NEURL1B: variants seen among roughly 807,000 people sequenced by gnomAD.
The protein encoded by NEURL1B is E3 ubiquitin-protein ligase NEURL1B.
In NEURL1B, 13 loss-of-function variants were observed where a neutral mutation model predicts 37.4. That is an observed-to-expected ratio of 0.35 (90% CI 0.23 to 0.55). The LOEUF is 0.55. Ranked by LOEUF, NEURL1B falls within the 20% of genes least tolerant of loss-of-function variation. The pLI is 0.89. For synonymous variants in NEURL1B, 432 were observed against 426.6 expected, an observed-to-expected ratio of 1.01 and a Z score of -0.16; for missense variants, 790 against 879.2, an observed-to-expected ratio of 0.90 and a Z score of 1.28.
Position 172,665,355 on chromosome 5 carries a change from G to A in NEURL1B, c.32-4430G>A, listed in dbSNP as rs1443462459. On this transcript the variant is annotated intron_variant, in intron 1 of 4. Transcript: ENST00000369800. The surrounding 1 kb of genome is among the most constrained non-coding windows in gnomAD (Gnocchi z 4.1). Reference sequence around the variant, plus strand: ...CTATCTCTGCCGATGGTCTGCACCCGGGTGCTGTTTCCCCTGCTCACTTGG... The same window carrying A: ...CTATCTCTGCCGATGGTCTGCACCCAGGTGCTGTTTCCCCTGCTCACTTGG... 1.3e-5 allele frequency among the ~76,000 whole-genome samples: 2 copies of A among 152,154 alleles called. No individual in the cohort carries two copies. Among genetic ancestry groups the A allele is most frequent in the African/African-American group, 4.8e-5 (2 of 41,434 alleles).
At chr5:172,673,287 C>T (rs1039728695) in intron 2 of NEURL1B, among the ~76,000 whole-genome samples, 1 of 152,106 alleles carries the variant, frequency 6.6e-6, no homozygotes, top group Non-Finnish European at 1.5e-5. Flanking sequence ...GAGAATTTGG[C>T]TTCCTGAACG....
chr5:172,684,286 G>A (rs1182771602), intron 3 of NEURL1B, 148 bp downstream of exon 3: 1 of 668,386 alleles, frequency 1.5e-6, no homozygotes, highest in Non-Finnish European at 2.1e-6. Context: ...TAAGCGCCCG[G>A]GCACGATCCA....
In NEURL1B at chr5:172,688,706, T is replaced by C. The variant is rs369312423; in HGVS notation, c.*1781T>C. The C allele has an allele frequency of 2.0e-5, 3 of 152,346 alleles. No individual in the cohort carries two copies. The East Asian group carries it at 5.8e-4, about 29-fold the overall frequency. 9.4% of individuals were successfully genotyped at this position (152,346 alleles called of 1,614,324 possible). On this transcript the variant is annotated 3_prime_UTR_variant, in exon 5 of 5. Transcript: ENST00000369800. The surrounding 1 kb of genome is among the most constrained non-coding windows in gnomAD (Gnocchi z 4.3). ...CTTTTCCCTAGAAAATCTGGGGAAATTCCCACATTTTAATTTTGCAGCAGA... is the reference window on the plus strand; with the variant it reads ...CTTTTCCCTAGAAAATCTGGGGAAACTCCCACATTTTAATTTTGCAGCAGA...
chr5:172,658,102 A>T (rs534396369), intron 1 of NEURL1B, among the ~76,000 whole-genome samples: 1 of 152,042 alleles, frequency 6.6e-6, no homozygotes, highest in East Asian at 1.9e-4. Context: ...CTTGTCTTGT[A>T]TGCAATAAAT....
intron 2 of NEURL1B, among the ~76,000 whole-genome samples, chr5:172,679,973 T>C (rs1223031511): frequency 1.3e-5 from 2 of 152,190 alleles, no homozygotes; most frequent in Non-Finnish European, 2.9e-5. Flanking sequence ...TTGGTGGCAC[T>C]TGGCCCAGTT....
intron 3 of NEURL1B, among the ~76,000 whole-genome samples, chr5:172,684,588 G>A (rs1445686754): frequency 6.6e-6 from 1 of 151,310 alleles, no homozygotes; most frequent in Non-Finnish European, 1.5e-5. Flanking sequence ...AAATAAATTC[G>A]ACTGCACATG....
rs1561653510 is a variant in NEURL1B at position 172,684,002 on chromosome 5, G to C, written c.1161G>C (p.Thr387=). ...GCGGCGGCGACGCGCTCAGCTTCAC[G>C]CTGCGGCCCGGCGGCGACGTGCTCC... ...VPSGGDALSF[T]LRPGGDVLLG... The change falls in exon 3 of 5, where the codon ACG becomes ACC. Residue 387 remains threonine (T), a synonymous_variant. Coordinates refer to ENST00000369800, the MANE Select transcript of NEURL1B (RefSeq NM_001142651.3). 2.4e-5 allele frequency: 32 copies of C among 1,330,382 alleles called. No homozygotes were observed. The highest frequency in any genetic ancestry group is 2.9e-5 in the Non-Finnish European group (30 of 1,038,192). The allele number at this position is 1,330,382 out of a possible 1,614,324, so 82.4% of individuals were successfully genotyped here. A position where few individuals can be genotyped will look rare whatever the true frequency, so the allele number is the denominator to read the frequency against.
chr5:172,656,882 G>A (rs540957238), intron 1 of NEURL1B, among the ~76,000 whole-genome samples: 3 of 152,322 alleles, frequency 2.0e-5, no homozygotes, highest in East Asian at 1.9e-4. Context: ...ATGGGGCTGC[G>A]ATGATGAATA....
rs948375685 is a variant in NEURL1B at position 172,647,096 on chromosome 5, G to A, written c.31+5659G>A. On this transcript the variant is annotated intron_variant, in intron 1 of 4. Coordinates refer to ENST00000369800, the MANE Select transcript of NEURL1B (RefSeq NM_001142651.3). The surrounding 1 kb of genome is among the most constrained non-coding windows in gnomAD (Gnocchi z 4.2). ...TTCCCTGGGCTGGACCTCAAGGGCCGCTCAGAACAGGCTGTTTAATCTCCC... is the reference window on the plus strand; with the variant it reads ...TTCCCTGGGCTGGACCTCAAGGGCCACTCAGAACAGGCTGTTTAATCTCCC... Among the ~76,000 whole-genome samples the A allele has an allele frequency of 1.3e-5, 2 of 152,176 alleles. No individual in the cohort carries two copies. Among genetic ancestry groups the A allele is most frequent in the African/African-American group, 2.4e-5 (1 of 41,432 alleles).
intron 2 of NEURL1B, among the ~76,000 whole-genome samples, chr5:172,674,977 C>T (rs1425910304): frequency 1.3e-5 from 2 of 152,150 alleles, no homozygotes; most frequent in African/African-American, 2.4e-5. Context: ...TTAAGCTATT[C>T]TTCTGCCTCA....
rs1427377384 is a variant in NEURL1B at position 172,690,036 on chromosome 5, G to A, written c.*3111G>A. On this transcript the variant is annotated 3_prime_UTR_variant, in exon 5 of 5. Coordinates refer to ENST00000369800, the MANE Select transcript of NEURL1B (RefSeq NM_001142651.3). ...CACCACCCCCTCAAGCGGGGCCCCAGCCCCCTGAGCACCCCCTCACGTGAC... is the reference window on the plus strand; with the variant it reads ...CACCACCCCCTCAAGCGGGGCCCCAACCCCCTGAGCACCCCCTCACGTGAC... 6.6e-6 allele frequency: 1 copy of A among 152,338 alleles called. No individual in the cohort carries two copies. Among genetic ancestry groups the A allele is most frequent in the Admixed American group, 6.5e-5 (1 of 15,290 alleles). 9.4% of individuals were successfully genotyped at this position (152,338 alleles called of 1,614,324 possible). A position where few individuals can be genotyped will look rare whatever the true frequency, so the allele number is the denominator to read the frequency against.
intron 2 of NEURL1B, among the ~76,000 whole-genome samples, chr5:172,678,743 G>A (rs182787497): frequency 1.6e-4 from 24 of 152,342 alleles, no homozygotes; most frequent in Admixed American, 9.1e-4. Flanking sequence ...CTGTCAGTGA[G>A]TCCTGTCATT....
chr5:172,672,572 ACT>A lies in NEURL1B; in HGVS notation c.577+2245_577+2246del, dbSNP rs1213743761. On this transcript the variant is annotated intron_variant, in intron 2 of 4. Coordinates refer to ENST00000369800, the MANE Select transcript of NEURL1B (RefSeq NM_001142651.3). The stretch of plus-strand genomic sequence containing the variant: ...CCCACTCTATTTCCTTATTCAGCAA[ACT>A]CTTATTGAACTCCTTACAACATTCT... 2.1e-5 allele frequency among the ~76,000 whole-genome samples: 3 copies of A among 139,590 alleles called. 1 individual carries two copies. In the Admixed American group the frequency reaches 2.2e-4, roughly 10 times the overall value. The allele number at this position is 139,590 out of a possible 152,430, so 91.6% of individuals were successfully genotyped here. A position where few individuals can be genotyped will look rare whatever the true frequency, so the allele number is the denominator to read the frequency against.
intron 2 of NEURL1B, among the ~76,000 whole-genome samples, chr5:172,670,693 A>G (rs1758113052): frequency 6.6e-6 from 1 of 152,102 alleles, no homozygotes; most frequent in African/African-American, 2.4e-5. Context: ...TTCCTAGTTT[A>G]TTTGCTCATT....
At position 172,686,195 on chromosome 5, in the gene NEURL1B, C is replaced by T. The variant is rs1187502522; in HGVS notation, c.1322C>T (p.Thr441Ile). 6.4e-7 allele frequency: 1 copy of T among 1,551,684 alleles called. No individual in the cohort carries two copies. Among genetic ancestry groups the T allele is most frequent in the East Asian group, 2.4e-5 (1 of 40,920 alleles). Residue 441 changes from threonine to isoleucine, a missense_variant, in exon 4 of 5, where the codon ACC (threonine) becomes ATC (isoleucine). By Grantham distance (89) the Thr-to-Ile change is moderately conservative. Transcript: ENST00000369800. This position sits in a 1 kb window ranked among gnomAD's most constrained non-coding sequence, Gnocchi z 7.9. ...GGTACCCTGCAGTCCAGCCCTGCGA[C>T]CACGACTCCATCAGGGTCCCTCAGC... Reference protein sequence around the residue: ...LLGTLQSSPATTTPSGSLSGS... With the variant: ...LLGTLQSSPAITTPSGSLSGS...
chr5:172,651,459 C>T (rs1473095375), intron 1 of NEURL1B, among the ~76,000 whole-genome samples: 2 of 152,148 alleles, frequency 1.3e-5, no homozygotes, highest in African/African-American at 2.4e-5. Context: ...GTCATTTACC[C>T]GAGTTGCTGG....
At position 172,687,825 on chromosome 5, in the gene NEURL1B, C is replaced by G. The variant is rs939689660; in HGVS notation, c.*900C>G. The stretch of plus-strand genomic sequence containing the variant: ...AGAATCCTAGAGGCAGGTGACCCAC[C>G]TGGAGCTGGAAAGCCCACTCCACGA... On this transcript the variant is annotated 3_prime_UTR_variant, in exon 5 of 5. Coordinates refer to ENST00000369800, the MANE Select transcript of NEURL1B (RefSeq NM_001142651.3). 1 of 152,176 alleles carries G rather than the reference C, an allele frequency of 6.6e-6. No homozygotes were observed. Among genetic ancestry groups the G allele is most frequent in the Non-Finnish European group, 1.5e-5 (1 of 68,042 alleles). 9.4% of individuals were successfully genotyped at this position (152,176 alleles called of 1,614,324 possible).
In NEURL1B at chr5:172,683,420, G is replaced by A; in HGVS notation, c.579G>A (p.Glu193=). ...ATGTCCCTCCCTTTGTCCGCACAGAGAGCGCCTTCGCTGACACGCTGACGC... is the reference window on the plus strand; with the variant it reads ...ATGTCCCTCCCTTTGTCCGCACAGAAAGCGCCTTCGCTGACACGCTGACGC... ...YGITDEVQLL[E]SAFADTLTPA... Residue 193 remains glutamate, a splice_region_variant and synonymous_variant, in exon 3 of 5, where the codon GAG becomes GAA. Coordinates refer to ENST00000369800, the MANE Select transcript of NEURL1B (RefSeq NM_001142651.3). The surrounding 1 kb of genome is among the most constrained non-coding windows in gnomAD (Gnocchi z 5.6). The A allele has an allele frequency of 1.5e-6, 2 of 1,365,236 alleles. No homozygotes were observed. The highest frequency in any genetic ancestry group is 1.6e-5 in the South Asian group (1 of 61,612). The allele number at this position is 1,365,236 out of a possible 1,614,324, so 84.6% of individuals were successfully genotyped here. A position where few individuals can be genotyped will look rare whatever the true frequency, so the allele number is the denominator to read the frequency against.
chr5:172,683,747 GC>G lies in NEURL1B; in HGVS notation c.907del (p.Arg303GlyfsTer157). 1 of 1,321,578 alleles carries G rather than the reference GC, an allele frequency of 7.6e-7. No homozygotes were observed. The highest frequency in any genetic ancestry group is 9.7e-7 in the Non-Finnish European group (1 of 1,029,812). 81.9% of individuals were successfully genotyped at this position (1,321,578 alleles called of 1,614,324 possible). A position where few individuals can be genotyped will look rare whatever the true frequency, so the allele number is the denominator to read the frequency against. On this transcript the variant is annotated frameshift_variant, in exon 3 of 5. Transcript: ENST00000369800. LOFTEE classifies it high-confidence loss of function. This position sits in a 1 kb window ranked among gnomAD's most constrained non-coding sequence, Gnocchi z 5.6. ...CCGACCGCAAAGTGGCCTGCGCACCGCGGCCCGACGGCGGCCGCACGCTGGT... is the reference window on the plus strand; with the variant it reads ...CCGACCGCAAAGTGGCCTGCGCACCGGGCCCGACGGCGGCCGCACGCTGGT... ...SADRKVACAP[R>X]PDGGRTLVFS...
Sources: allele counts gnomAD v4.1 joint callset (sites outside exome capture counted in the v4.1 genomes callset), GRCh38; gene constraint gnomAD v4.1.1; non-coding constraint Gnocchi (gnomAD v3.1); transcripts MANE v1.5; gene names NCBI Gene and HGNC (gene_info 2026-07-23, HGNC 2026-07-21).